Variants in WWC1 observed in about 807,000 individuals in gnomAD.
The protein encoded by WWC1 is WW and C2 domain containing 1.
WWC1 carries 55 observed loss-of-function variants against 138.4 expected under a neutral mutation model. The ratio of observed to expected loss-of-function variants is 0.40; its 90% CI spans 0.32 to 0.50. The LOEUF is 0.50. Among genes scored for constraint, WWC1 ranks in the 20% least tolerant of loss-of-function variants. WWC1 has a pLI of 0.72. For synonymous variants in WWC1, 524 were observed against 564.9 expected (o/e 0.93, Z 1.03); for missense variants, 1,226 against 1,420.4 (o/e 0.86, Z 2.20).
intron 2 of WWC1, among the ~76,000 whole-genome samples, chr5:168,379,102 T>G (rs1202861415): frequency 6.6e-6 from 1 of 152,208 alleles, no homozygotes; most frequent in East Asian, 1.9e-4. Context: ...ATGCCTGCAC[T>G]AGAGCAGATA....
intron 1 of WWC1, among the ~76,000 whole-genome samples, chr5:168,312,585 A>G (rs1289219746): frequency 2.0e-5 from 3 of 152,268 alleles, no homozygotes; most frequent in African/African-American, 7.2e-5. Context: ...TTATTACAGT[A>G]TCACAGCATT....
At chr5:168,340,258 T>A (rs1352042510) in intron 1 of WWC1, among the ~76,000 whole-genome samples, 1 of 152,142 alleles carries the variant, frequency 6.6e-6, no homozygotes, top group Non-Finnish European at 1.5e-5. Flanking sequence ...GTATTTTTAG[T>A]AGAGACGGAG....
At chr5:168,354,805 G>A (rs1321173461) in intron 1 of WWC1, among the ~76,000 whole-genome samples, 2 of 152,158 alleles carry the variant, frequency 1.3e-5, no homozygotes, top group Non-Finnish European at 2.9e-5. Flanking sequence ...TGAGCTTCCA[G>A]AGTGAACAGT....
intron 1 of WWC1, among the ~76,000 whole-genome samples, chr5:168,338,662 G>GC (rs1036342303): frequency 6.6e-6 from 1 of 152,064 alleles, no homozygotes; most frequent in Non-Finnish European, 1.5e-5. Context: ...TTCCACCTTA[G>GC]CCCCCCAAAG....
intron 1 of WWC1, among the ~76,000 whole-genome samples, chr5:168,314,012 G>C (rs569266155): frequency 5.3e-5 from 8 of 152,294 alleles, no homozygotes; most frequent in African/African-American, 1.7e-4. Flanking sequence ...CCAAAGGTCA[G>C]AGCAGTCTCA....
intron 1 of WWC1, among the ~76,000 whole-genome samples, chr5:168,312,838 T>TA (rs1277073772): frequency 4.1e-5 from 6 of 147,970 alleles, no homozygotes; most frequent in South Asian, 2.1e-4. Flanking sequence ...TTTTTTTTTT[T>TA]AGAGTCTAGC....
At chr5:168,347,474 G>A (rs1311168249) in intron 1 of WWC1, among the ~76,000 whole-genome samples, 1 of 152,186 alleles carries the variant, frequency 6.6e-6, no homozygotes, top group Non-Finnish European at 1.5e-5. Flanking sequence ...ACCTTTCGTT[G>A]AGATGCTGAT....
chr5:168,335,209 C>T lies in WWC1; in HGVS notation c.120-36215C>T, dbSNP rs776153160. Among the ~76,000 whole-genome samples the T allele has an allele frequency of 3.3e-5, 5 of 152,198 alleles. No homozygotes were observed. In the East Asian group the frequency reaches 9.6e-4, roughly 29 times the overall value. ...TGCAGGTGCATCTTCCAAGGTTTCT[C>T]GGCATTGCACACCCTAGAGGAGTTG... On this transcript the variant is annotated intron_variant, in intron 1 of 22. Transcript: ENST00000265293.
At position 168,362,255 on chromosome 5, in the gene WWC1, A is replaced by G. The variant is rs535814554; in HGVS notation, c.120-9169A>G. On this transcript the variant is annotated intron_variant, in intron 1 of 22. Coordinates refer to ENST00000265293, the MANE Select transcript of WWC1 (RefSeq NM_015238.3). ...GCTGTTGTGAAGGCCAGCTGAGTAA[A>G]TATATAAATACATTAACTGCTTGGA... 1.1e-4 allele frequency among the ~76,000 whole-genome samples: 17 copies of G among 152,324 alleles called. 1 individual carries two copies. In the South Asian group the frequency reaches 3.5e-3, roughly 32 times the overall value.
At chr5:168,384,562 T>A (rs4320284) in intron 2 of WWC1, among the ~76,000 whole-genome samples, 1 of 151,834 alleles carries the variant, frequency 6.6e-6, no homozygotes, top group Non-Finnish European at 1.5e-5. Flanking sequence ...CATTAGTTAT[T>A]TTTCTTTCCT....
In WWC1 at chr5:168,326,414, T is replaced by C. The variant is rs549127402; in HGVS notation, c.119+34143T>C. Among the ~76,000 whole-genome samples, 362 of 152,076 alleles carry C rather than the reference T, an allele frequency of 2.4e-3. 2 individuals carry two copies. The highest frequency in any genetic ancestry group is 8.4e-3 in the African/African-American group (348 of 41,510). ...GTATTTTTAGTAGAGACAGGGTTTC[T>C]CCATGTTGGTCAGGCTGGTCTCGAA... On this transcript the variant is annotated intron_variant, in intron 1 of 22. Transcript: ENST00000265293.
rs941540374 is a variant in WWC1 at position 168,292,625 on chromosome 5, C to T, written c.119+354C>T. ...CGGGGGCGGGGGTTGGGGGAGCGAC[C>T]TAGCCGGGTGAAGCCGGGTCTTCCC... is the stretch of plus-strand genomic sequence containing the variant. On this transcript the variant is annotated intron_variant, in intron 1 of 22. Coordinates refer to ENST00000265293, the MANE Select transcript of WWC1 (RefSeq NM_015238.3). The surrounding 1 kb of genome is among the most constrained non-coding windows in gnomAD (Gnocchi z 4.4). Among the ~76,000 whole-genome samples, 2 of 152,122 alleles carry T rather than the reference C, an allele frequency of 1.3e-5. No individual in the cohort carries two copies. The highest frequency in any genetic ancestry group is 6.5e-5 in the Admixed American group (1 of 15,282).
rs73805120 is a variant in WWC1 at position 168,402,493 on chromosome 5, T to G, written c.590+2926T>G. 4.2e-3 allele frequency among the ~76,000 whole-genome samples: 647 copies of G among 152,290 alleles called. 4 individuals carry two copies. Among genetic ancestry groups the G allele is most frequent in the African/African-American group, 0.014 (601 of 41,576 alleles). On this transcript the variant is annotated intron_variant, in intron 5 of 22. Coordinates refer to ENST00000265293, the MANE Select transcript of WWC1 (RefSeq NM_015238.3). ...AGGGAAGAGCTCCTTGAGAGTGGGC[T>G]GGGGTGGTGACCTCTAGCTGGTTGC...
In WWC1 at chr5:168,469,043, C is replaced by T; in HGVS notation, c.*26C>T. ...TCGCCAGAAAAGTATTTCCTTTGTT[C>T]CACTGACCAGGCTGTGAACATTGAC... is the stretch of plus-strand genomic sequence containing the variant. On this transcript the variant is annotated 3_prime_UTR_variant, in exon 23 of 23. Coordinates refer to ENST00000265293, the MANE Select transcript of WWC1 (RefSeq NM_015238.3). 1 of 1,613,710 alleles carries T rather than the reference C, an allele frequency of 6.2e-7. No individual in the cohort carries two copies. Among genetic ancestry groups the T allele is most frequent in the Non-Finnish European group, 8.5e-7 (1 of 1,179,630 alleles).
At position 168,431,456 on chromosome 5, in the gene WWC1, G is replaced by A; in HGVS notation, c.2280+12G>A. 6.5e-7 allele frequency: 1 copy of A among 1,532,100 alleles called. No individual in the cohort carries two copies. The highest frequency in any genetic ancestry group is 8.7e-7 in the Non-Finnish European group (1 of 1,152,102). 94.9% of individuals were successfully genotyped at this position (1,532,100 alleles called of 1,614,324 possible). A position where few individuals can be genotyped will look rare whatever the true frequency, so the allele number is the denominator to read the frequency against. On this transcript the variant is annotated intron_variant, in intron 15 of 22. Coordinates refer to ENST00000265293, the MANE Select transcript of WWC1 (RefSeq NM_015238.3). ...TGGAAGAGTGCCTGGTAAGGGCCGT[G>A]TCTGGCTGGCTGGCTGGCTGGCTGG...
intron 1 of WWC1, among the ~76,000 whole-genome samples, chr5:168,367,395 G>C (rs1196637356): frequency 6.6e-6 from 1 of 151,784 alleles, no homozygotes. Context: ...GCAGTGGCGG[G>C]ATCTCGGCTC....
chr5:168,460,327 A>G (rs1202712914), intron 19 of WWC1, among the ~76,000 whole-genome samples: 4 of 152,064 alleles, frequency 2.6e-5, no homozygotes, highest in Non-Finnish European at 4.4e-5. Context: ...CAGTTCTGCA[A>G]CCCCTAAGCT....
intron 17 of WWC1, among the ~76,000 whole-genome samples, chr5:168,452,143 T>C (rs933658711): frequency 6.6e-6 from 1 of 152,216 alleles, no homozygotes; most frequent in Admixed American, 6.5e-5. Context: ...TGACCTGGGG[T>C]GATCCGCCCA....
At chr5:168,391,250 T>C (rs1033950660) in intron 3 of WWC1, among the ~76,000 whole-genome samples, 7 of 152,144 alleles carry the variant, frequency 4.6e-5, no homozygotes, top group Admixed American at 1.3e-4. Context: ...AAATGCCAGT[T>C]GAAGCCAGGC....
Sources: allele counts gnomAD v4.1 joint callset (sites outside exome capture counted in the v4.1 genomes callset), GRCh38; gene constraint gnomAD v4.1.1; non-coding constraint Gnocchi (gnomAD v3.1); transcripts MANE v1.5; gene names NCBI Gene and HGNC (gene_info 2026-07-23, HGNC 2026-07-21).